SAMD3: variants seen among roughly 807,000 people sequenced by gnomAD.
SAMD3 encodes the protein sterile alpha motif domain-containing protein 3.
SAMD3 carries 63 observed loss-of-function variants against 58.5 expected under a neutral mutation model. The observed-to-expected ratio is 1.08, with a 90% confidence interval of 0.88 to 1.33. SAMD3 has a LOEUF of 1.33. Ranked by LOEUF, SAMD3 falls within the 40% of genes most tolerant of loss-of-function variation. SAMD3 has a pLI of 0.00. For synonymous variants in SAMD3, 220 were observed against 210.3 expected, an observed-to-expected ratio of 1.05 and a Z score of -0.40; for missense variants, 604 against 608.4, an observed-to-expected ratio of 0.99 and a Z score of 0.08.
At chr6:130,334,155 C>T (rs1014329419) in intron 1 of SAMD3, among the ~76,000 whole-genome samples, 1 of 152,128 alleles carries the variant, frequency 6.6e-6, no homozygotes, top group African/African-American at 2.4e-5. Context: ...TTTCAAGTGG[C>T]TTCTGCTGTC....
At chr6:130,333,086 T>TGTGTGTGTGTGTG (rs1776991016) in intron 1 of SAMD3, among the ~76,000 whole-genome samples, 2 of 142,754 alleles carry the variant, frequency 1.4e-5, no homozygotes, top group Admixed American at 6.9e-5. Context: ...TGTGTGTGTG[T>TGTGTGTGTGTGTG]TAAGGGGGTG....
At chr6:130,150,565 G>A (rs1489545797) in intron 9 of SAMD3, among the ~76,000 whole-genome samples, 4 of 151,936 alleles carry the variant, frequency 2.6e-5, no homozygotes, top group Admixed American at 6.6e-5. Context: ...CATTTCTTTC[G>A]GCAATTCTGT....
chr6:130,195,371 A>T (rs1251486620), intron 5 of SAMD3, among the ~76,000 whole-genome samples: 1 of 152,054 alleles, frequency 6.6e-6, no homozygotes, highest in African/African-American at 2.4e-5. Context: ...GCCTGTTATC[A>T]CTCGCCTGCT....
intron 2 of SAMD3, among the ~76,000 whole-genome samples, chr6:130,270,299 G>A (rs1210015130): frequency 6.6e-6 from 1 of 152,152 alleles, no homozygotes; most frequent in African/African-American, 2.4e-5. Flanking sequence ...CACCATGTTG[G>A]CCAGGCTGGT....
intron 2 of SAMD3, among the ~76,000 whole-genome samples, chr6:130,251,481 T>A (rs1217600848): frequency 6.6e-6 from 1 of 152,164 alleles, no homozygotes; most frequent in Non-Finnish European, 1.5e-5. Flanking sequence ...ATTTTTCGTC[T>A]GTTTTTTTCT....
chr6:130,148,955 A>C (rs1248507460), intron 9 of SAMD3, among the ~76,000 whole-genome samples: 2 of 152,244 alleles, frequency 1.3e-5, no homozygotes, highest in Admixed American at 1.3e-4. Flanking sequence ...TCATAGAAGA[A>C]ATCTAGGAAA....
chr6:130,304,929 T>A (rs1775866694), intron 2 of SAMD3, among the ~76,000 whole-genome samples: 1 of 67,346 alleles, frequency 1.5e-5, no homozygotes, highest in African/African-American at 1.3e-4. Flanking sequence ...TTTCTTCCTT[T>A]TTTTTTTTTT....
At chr6:130,294,250 TATTA>T (rs1438309907) in intron 2 of SAMD3, among the ~76,000 whole-genome samples, 2 of 152,318 alleles carry the variant, frequency 1.3e-5, no homozygotes, top group African/African-American at 4.8e-5. Flanking sequence ...ATGCCATACT[TATTA>T]TACTAGACTT....
chr6:130,243,303 T>G (rs1160904689), intron 2 of SAMD3, among the ~76,000 whole-genome samples: 1 of 152,192 alleles, frequency 6.6e-6, no homozygotes, highest in African/African-American at 2.4e-5. Flanking sequence ...CTTCCTCTTC[T>G]CTGATCCCAC....
chr6:130,160,335 A>C (rs897155893), intron 8 of SAMD3: 1 of 152,244 alleles, frequency 6.6e-6, no homozygotes, highest in African/African-American at 2.4e-5. Flanking sequence ...ACCTGGATGA[A>C]TTCCAGTGAC....
chr6:130,144,663 G>T lies in SAMD3; in HGVS notation c.1420C>A (p.His474Asn). 1.2e-6 allele frequency: 2 copies of T among 1,614,158 alleles called. No homozygotes were observed. Among genetic ancestry groups the T allele is most frequent in the African/African-American group, 2.7e-5 (2 of 75,048 alleles). ...CTTGGACACTCAATCCTAAATACAT[G>T]AAAGGCAGCTACTAGCGCAGCCAAG... The part of the protein sequence containing the change: ...TALAALVAAF[H>N]VFRIECPRRL... The change falls in exon 12 of 12, where the codon CAT becomes AAT. Residue 474 changes from histidine to asparagine, a missense_variant. Transcript: ENST00000439090.
At chr6:130,331,416 G>A (rs1776929168) in intron 1 of SAMD3, among the ~76,000 whole-genome samples, 1 of 152,146 alleles carries the variant, frequency 6.6e-6, no homozygotes, top group Admixed American at 6.5e-5. Context: ...TTAGTGACTG[G>A]ATAAAAAATA....
chr6:130,298,793 C>G (rs1303334808), intron 2 of SAMD3, among the ~76,000 whole-genome samples: 3 of 151,864 alleles, frequency 2.0e-5, no homozygotes, highest in Non-Finnish European at 2.9e-5. Flanking sequence ...AAAGATCAAT[C>G]ACACAAATGG....
chr6:130,215,437 G>T, intron 2 of SAMD3, 143 bp from the exon 3 acceptor site: 1 of 1,253,998 alleles, frequency 8.0e-7, no homozygotes, highest in Non-Finnish European at 1.0e-6. Flanking sequence ...TTTTTACAAT[G>T]TACATTTAAA....
At chr6:130,281,215 C>A (rs1774969627) in intron 2 of SAMD3, among the ~76,000 whole-genome samples, 1 of 152,180 alleles carries the variant, frequency 6.6e-6, no homozygotes, top group Non-Finnish European at 1.5e-5. Flanking sequence ...TTATGGAAAG[C>A]AATACTGTGT....
intron 2 of SAMD3, among the ~76,000 whole-genome samples, chr6:130,232,214 C>T (rs1796568271): frequency 6.6e-6 from 1 of 151,980 alleles, no homozygotes; most frequent in Non-Finnish European, 1.5e-5. Context: ...GCCATGGTGC[C>T]CAGGATAGGC....
chr6:130,251,885 T>C (rs1257091296), intron 2 of SAMD3, among the ~76,000 whole-genome samples: 1 of 152,158 alleles, frequency 6.6e-6, no homozygotes, highest in Non-Finnish European at 1.5e-5. Flanking sequence ...TACAGAATAA[T>C]CTGATCCTGA....
At chr6:130,213,283 C>T (rs1386271625) in intron 4 of SAMD3, among the ~76,000 whole-genome samples, 2 of 151,414 alleles carry the variant, frequency 1.3e-5, no homozygotes, top group African/African-American at 2.4e-5. Context: ...GGGGGTCAGA[C>T]TGAGACCCAT....
At chr6:130,256,279 T>A (rs1205367290) in intron 2 of SAMD3, among the ~76,000 whole-genome samples, 1 of 151,972 alleles carries the variant, frequency 6.6e-6, no homozygotes, top group Non-Finnish European at 1.5e-5. Context: ...CATATCAGAT[T>A]CTCTTCTGCA....
Sources: allele counts gnomAD v4.1 joint callset (sites outside exome capture counted in the v4.1 genomes callset), GRCh38; gene constraint gnomAD v4.1.1; transcripts MANE v1.5; gene names NCBI Gene and HGNC (gene_info 2026-07-23, HGNC 2026-07-21).